Variants in FER observed in about 807,000 individuals in gnomAD.
FER encodes the protein tyrosine-protein kinase Fer.
In FER, 63 loss-of-function variants were observed where a neutral mutation model predicts 111.0. The observed-to-expected ratio is 0.57, with a 90% CI of 0.46 to 0.70. The LOEUF is 0.70. Among genes scored for constraint, FER ranks in the 30% least tolerant of loss-of-function variants. FER has a pLI of 0.00. For synonymous variants in FER, 327 were observed against 313.9 expected, an observed-to-expected ratio of 1.04 and a Z score of -0.44; for missense variants, 914 against 954.0, an observed-to-expected ratio of 0.96 and a Z score of 0.55.
chr5:109,011,624 G>T (rs1401024138), intron 13 of FER, among the ~76,000 whole-genome samples: 2 of 151,728 alleles, frequency 1.3e-5, no homozygotes, highest in South Asian at 2.1e-4. Flanking sequence ...CTCCTTTTTT[G>T]CATGTTTATG....
chr5:109,172,491 G>GGGGGAGA (rs987982806), intron 17 of FER, among the ~76,000 whole-genome samples: 1 of 76,312 alleles, frequency 1.3e-5, no homozygotes, highest in Non-Finnish European at 2.7e-5. Flanking sequence ...TTGTGGGGTG[G>GGGGGAGA]GGGGAGGGGG....
chr5:108,978,629 T>C (rs1200618254), intron 13 of FER, among the ~76,000 whole-genome samples: 1 of 152,230 alleles, frequency 6.6e-6, no homozygotes, highest in African/African-American at 2.4e-5. Flanking sequence ...GTATATTAAT[T>C]CATCTTTGTC....
intron 16 of FER, among the ~76,000 whole-genome samples, chr5:109,080,549 T>A (rs1776872114): frequency 6.6e-6 from 1 of 152,092 alleles, no homozygotes. Context: ...TTCTTACAAA[T>A]TTTAGGTCTG....
chr5:109,094,251 ATTGG>A (rs1747198283), intron 16 of FER, among the ~76,000 whole-genome samples: 1 of 152,030 alleles, frequency 6.6e-6, no homozygotes, highest in African/African-American at 2.4e-5. Context: ...AAAGTAAAAT[ATTGG>A]TTGAAAATAG....
intron 1 of FER, among the ~76,000 whole-genome samples, chr5:108,767,595 C>T (rs891004224): frequency 6.6e-6 from 1 of 152,150 alleles, no homozygotes; most frequent in African/African-American, 2.4e-5. Context: ...AGCAGTCTTC[C>T]TACCTCATCT....
chr5:109,144,912 C>G (rs1397039019), intron 17 of FER, among the ~76,000 whole-genome samples: 3 of 152,066 alleles, frequency 2.0e-5, no homozygotes, highest in East Asian at 1.9e-4. Context: ...AGTTTCTCCT[C>G]CCATCTATGA....
intron 13 of FER, among the ~76,000 whole-genome samples, chr5:109,024,133 C>T (rs1012855523): frequency 9.9e-5 from 15 of 152,160 alleles, no homozygotes; most frequent in African/African-American, 3.4e-4. Context: ...CAAGCAGTTT[C>T]GCTCCATAGC....
At chr5:108,918,709 G>T (rs1010179392) in intron 10 of FER, among the ~76,000 whole-genome samples, 1 of 151,646 alleles carries the variant, frequency 6.6e-6, no homozygotes, top group African/African-American at 2.4e-5. Context: ...GGATGGTCTC[G>T]ATCTCCTGAC....
chr5:108,871,584 A>G (rs1764603945), intron 7 of FER, 82 bp downstream of exon 7: 1 of 1,024,236 alleles, frequency 9.8e-7, no homozygotes, highest in South Asian at 2.4e-5. Flanking sequence ...GATAAAAATA[A>G]GAAATACTTA....
intron 3 of FER, among the ~76,000 whole-genome samples, chr5:108,814,231 G>C (rs910820676): frequency 2.0e-5 from 3 of 152,102 alleles, no homozygotes; most frequent in Non-Finnish European, 4.4e-5. Context: ...CCTGTGATTT[G>C]GTAATTTTTC....
chr5:109,017,223 TGAG>T, intron 13 of FER, among the ~76,000 whole-genome samples: 1 of 151,984 alleles, frequency 6.6e-6, no homozygotes, highest in Non-Finnish European at 1.5e-5. Context: ...GCAGGGCTAA[TGAG>T]GGGCTAGGAA....
intron 1 of FER, among the ~76,000 whole-genome samples, chr5:108,754,500 T>C (rs1013610515): frequency 1.3e-5 from 2 of 152,064 alleles, no homozygotes; most frequent in Non-Finnish European, 2.9e-5. Context: ...ACCCAAGTTA[T>C]TTCCACATTT....
At chr5:108,987,773 A>T (rs909157712) in intron 13 of FER, among the ~76,000 whole-genome samples, 1 of 152,078 alleles carries the variant, frequency 6.6e-6, no homozygotes, top group Non-Finnish European at 1.5e-5. Flanking sequence ...ACCAATTTGG[A>T]TGCCCTTTAT....
chr5:109,085,168 AT>A (rs1777422749), intron 16 of FER, among the ~76,000 whole-genome samples: 1 of 151,766 alleles, frequency 6.6e-6, no homozygotes, highest in South Asian at 2.1e-4. Context: ...TATGGGGGAA[AT>A]TTACAATATT....
intron 10 of FER, among the ~76,000 whole-genome samples, chr5:108,942,495 C>T (rs1756409844): frequency 6.6e-6 from 1 of 152,070 alleles, no homozygotes; most frequent in South Asian, 2.1e-4. Context: ...GAAAAGACAG[C>T]ATGACAAACT....
In FER at chr5:109,188,743, T is replaced by A. The variant is rs1180668544; in HGVS notation, c.*1168T>A. The stretch of plus-strand genomic sequence containing the variant: ...GAGTCCTCGTAATGGCAACAAAAAT[T>A]TTGAGAGAAACTGCAAAGCACAAAT... On this transcript the variant is annotated 3_prime_UTR_variant, in exon 20 of 20. Coordinates refer to ENST00000281092, the MANE Select transcript of FER (RefSeq NM_005246.4). 1.3e-5 allele frequency: 2 copies of A among 152,108 alleles called. No homozygotes were observed. The highest frequency in any genetic ancestry group is 3.8e-4 in the East Asian group (2 of 5,200). The allele number at this position is 152,108 out of a possible 1,614,324, so 9.4% of individuals were successfully genotyped here.
rs1759721341 is a variant in FER at position 109,196,023 on chromosome 5, A to G, written c.*8448A>G. The G allele has an allele frequency of 6.6e-6, 1 of 152,212 alleles. No homozygotes were observed. 9.4% of individuals were successfully genotyped at this position (152,212 alleles called of 1,614,324 possible). A position where few individuals can be genotyped will look rare whatever the true frequency, so the allele number is the denominator to read the frequency against. On this transcript the variant is annotated 3_prime_UTR_variant, in exon 20 of 20. Coordinates refer to ENST00000281092, the MANE Select transcript of FER (RefSeq NM_005246.4). ...GAACACTGTATAAAGTCATAGACAT[A>G]GAACCATATGGGAAAGCCCAGATGA...
chr5:108,897,206 A>G (rs1749274371), intron 9 of FER, among the ~76,000 whole-genome samples: 1 of 152,250 alleles, frequency 6.6e-6, no homozygotes, highest in Admixed American at 6.5e-5. Context: ...CCCTCACAAC[A>G]TATACACAAG....
intron 13 of FER, among the ~76,000 whole-genome samples, chr5:108,960,457 A>G (rs953606598): frequency 7.2e-5 from 11 of 151,924 alleles, no homozygotes; most frequent in Non-Finnish European, 1.5e-4. Context: ...TCTTTGTTAA[A>G]TTTTTTTATT....
Sources: allele counts gnomAD v4.1 joint callset (sites outside exome capture counted in the v4.1 genomes callset), GRCh38; gene constraint gnomAD v4.1.1; transcripts MANE v1.5; gene names NCBI Gene and HGNC (gene_info 2026-07-23, HGNC 2026-07-21).